ARHGEF3: variants seen among roughly 807,000 people sequenced by gnomAD.
The protein encoded by ARHGEF3 is 59.8 kDA protein.
A neutral mutation model predicts 63.2 loss-of-function variants in ARHGEF3; 28 were observed. The observed-to-expected ratio is 0.44, with a 90% CI of 0.33 to 0.61. The LOEUF is 0.61. ARHGEF3 is among the 20% of genes least tolerant of loss of function. The pLI, the probability that ARHGEF3 is intolerant of heterozygous loss-of-function variation, is 0.03. For synonymous variants in ARHGEF3, 266 were observed against 254.2 expected, an observed-to-expected ratio of 1.05 and a Z score of -0.44; for missense variants, 533 against 659.3, an observed-to-expected ratio of 0.81 and a Z score of 2.10.
At chr3:56,750,976 T>TA in intron 6 of ARHGEF3, 80 bp downstream of exon 6, 1 of 1,003,340 alleles carries the variant, frequency 1.0e-6, no homozygotes, top group Middle Eastern at 3.3e-4. Context: ...AAAATAAAAA[T>TA]AAAAAAAGTC....
chr3:56,734,385 G>C (rs2107691662), intron 8 of ARHGEF3, among the ~76,000 whole-genome samples: 1 of 152,238 alleles, frequency 6.6e-6, no homozygotes, highest in South Asian at 2.1e-4. Context: ...GTTCACATGG[G>C]CATAAAGATA....
At chr3:56,767,730 A>G (rs943364152) in intron 2 of ARHGEF3, among the ~76,000 whole-genome samples, 2 of 151,616 alleles carry the variant, frequency 1.3e-5, no homozygotes, top group African/African-American at 4.9e-5. Flanking sequence ...GTGCTTCACT[A>G]TATTTTTCAG....
At chr3:56,896,442 C>G (rs574080150) in intron 3 of ARHGEF3, among the ~76,000 whole-genome samples, 1 of 152,298 alleles carries the variant, frequency 6.6e-6, no homozygotes, top group South Asian at 2.1e-4. Flanking sequence ...AAGCAGGAAA[C>G]TTAACATTGA....
intron 2 of ARHGEF3, among the ~76,000 whole-genome samples, chr3:56,995,666 A>AGAGAGAGAGAGG (rs1560116629): frequency 2.8e-4 from 35 of 127,242 alleles, no homozygotes; most frequent in South Asian, 5.3e-4. Context: ...AGAGAGAGAG[A>AGAGAGAGAGAGG]GAGAGAATTT....
intron 2 of ARHGEF3, chr3:56,975,692 G>C (rs1347285637): frequency 2.9e-6 from 1 of 341,328 alleles, no homozygotes; most frequent in African/African-American, 2.2e-5. Context: ...GATGAACAGA[G>C]AAACAGATGT....
intron 4 of ARHGEF3, among the ~76,000 whole-genome samples, chr3:56,833,787 G>C (rs2039008392): frequency 6.6e-6 from 1 of 152,100 alleles, no homozygotes; most frequent in Admixed American, 6.6e-5. Context: ...ACATATGTTT[G>C]GAAAAGCAAA....
intron 2 of ARHGEF3, among the ~76,000 whole-genome samples, chr3:56,968,281 A>T (rs1390708747): frequency 2.3e-4 from 7 of 29,846 alleles, no homozygotes; most frequent in South Asian, 8.2e-4. Flanking sequence ...TATATAAAAT[A>T]TATATAATAT....
intron 2 of ARHGEF3, among the ~76,000 whole-genome samples, chr3:56,772,187 C>T (rs1037216083): frequency 6.6e-6 from 1 of 152,096 alleles, no homozygotes; most frequent in Non-Finnish European, 1.5e-5. Context: ...TAGCTAATTA[C>T]GTGAGGTATT....
chr3:56,789,745 A>G (rs1339878196), intron 1 of ARHGEF3, among the ~76,000 whole-genome samples: 1 of 152,228 alleles, frequency 6.6e-6, no homozygotes, highest in Non-Finnish European at 1.5e-5. Context: ...TTTTACTTAA[A>G]AACTTATTGT....
chr3:57,009,835 TTAATAA>T (rs72283293), intron 2 of ARHGEF3, among the ~76,000 whole-genome samples: 2,433 of 152,220 alleles, frequency 0.016, 69 homozygotes, highest in African/African-American at 0.055. Flanking sequence ...TTATGATTAA[TTAATAA>T]TAATAATAGT....
At chr3:56,761,198 T>TGG (rs778851416) in intron 2 of ARHGEF3, among the ~76,000 whole-genome samples, 24 of 152,196 alleles carry the variant, frequency 1.6e-4, no homozygotes, top group Non-Finnish European at 2.9e-4. Context: ...TGGTATGGTC[T>TGG]GGGGACAGCA....
chr3:56,792,297 G>A (rs1366316464), intron 1 of ARHGEF3, among the ~76,000 whole-genome samples: 3 of 152,120 alleles, frequency 2.0e-5, no homozygotes, highest in East Asian at 1.9e-4. Context: ...GTTATAATGA[G>A]TATATAATCA....
chr3:56,919,364 C>G (rs1183899871), intron 3 of ARHGEF3, among the ~76,000 whole-genome samples: 1 of 152,172 alleles, frequency 6.6e-6, no homozygotes, highest in African/African-American at 2.4e-5. Context: ...TCTAAAAACA[C>G]GAGTTGCTGG....
At chr3:56,895,063 T>C (rs2041252816) in intron 3 of ARHGEF3, among the ~76,000 whole-genome samples, 1 of 152,178 alleles carries the variant, frequency 6.6e-6, no homozygotes. Context: ...TGCATGTCCC[T>C]GGTGTTTAGG....
chr3:56,839,848 G>T (rs1412612718), intron 4 of ARHGEF3, among the ~76,000 whole-genome samples: 1 of 152,088 alleles, frequency 6.6e-6, no homozygotes, highest in African/African-American at 2.4e-5. Context: ...ACCCACCTGA[G>T]GAAGGGAGGG....
intron 4 of ARHGEF3, among the ~76,000 whole-genome samples, chr3:56,867,832 A>G (rs2040305359): frequency 6.6e-6 from 1 of 152,132 alleles, no homozygotes; most frequent in Admixed American, 6.6e-5. Flanking sequence ...CAGAGAACTG[A>G]AGGAAAATGA....
Position 56,772,005 on chromosome 3 carries a change from T to C in ARHGEF3, c.204+1704A>G, listed in dbSNP as rs1242645240. ...GAACTTGTCGAGAGGGCTGAAGAAC[T>C]GGTCACAAGGGAGAAAAGGTAAACA... is the stretch of plus-strand genomic sequence containing the variant. On this transcript the variant is annotated intron_variant, in intron 2 of 9. Coordinates refer to ENST00000296315, the MANE Select transcript of ARHGEF3 (RefSeq NM_019555.3). 2.0e-5 allele frequency among the ~76,000 whole-genome samples: 3 copies of C among 152,204 alleles called. No individual in the cohort carries two copies. In the East Asian group the frequency reaches 5.8e-4, roughly 29 times the overall value.
intron 1 of ARHGEF3, among the ~76,000 whole-genome samples, chr3:57,040,417 C>T (rs1560154100): frequency 1.4e-5 from 2 of 148,064 alleles, no homozygotes; most frequent in African/African-American, 5.0e-5. Flanking sequence ...ATGGAGGTTG[C>T]AGTGAGCTGA....
At chr3:56,896,600 T>C (rs1321197602) in intron 3 of ARHGEF3, among the ~76,000 whole-genome samples, 4 of 152,248 alleles carry the variant, frequency 2.6e-5, no homozygotes, top group Non-Finnish European at 5.9e-5. Flanking sequence ...TTGAGTCTCC[T>C]TGAATCTGGA....
Sources: gnomAD v4.1 joint callset for allele counts (sites outside exome capture counted in the v4.1 genomes callset) on GRCh38, gnomAD v4.1.1 for gene constraint, MANE v1.5 for transcripts, NCBI Gene and HGNC (gene_info 2026-07-23, HGNC 2026-07-21) for gene names.